Variants in EIF5A observed in about 807,000 individuals in gnomAD.
EIF5A encodes the protein eukaryotic translation initiation factor 5A.
Under a neutral mutation model 16.6 loss-of-function variants are expected in EIF5A, and 1 was observed. The ratio of observed to expected loss-of-function variants is 0.06; its 90% CI spans 0.02 to 0.28. The LOEUF (loss-of-function observed/expected upper bound fraction) is 0.28, where lower values mean the gene tolerates loss of function less well. Ranked by LOEUF, EIF5A falls within the 10% of genes least tolerant of loss-of-function variation. EIF5A has a pLI of 1.00. For missense variants in EIF5A, 29 were observed against 196.1 expected, an observed-to-expected ratio of 0.15 and a Z score of 5.09; for synonymous variants, 80 against 73.6, an observed-to-expected ratio of 1.09 and a Z score of -0.44.
chr17:7,310,161 C>T, intron 2 of EIF5A: 1 of 1,298,248 alleles, frequency 7.7e-7, no homozygotes, highest in South Asian at 1.2e-5. Context: ...GTGGTTGCTT[C>T]CATCACGTTG....
chr17:7,310,285 T>C, intron 2 of EIF5A: 1 of 1,287,840 alleles, frequency 7.8e-7, no homozygotes, highest in Non-Finnish European at 1.0e-6. Flanking sequence ...TTTGGAACTC[T>C]GACGCAGGAT....
At chr17:7,309,853 C>T (rs1442956888) in intron 2 of EIF5A, 53 bp downstream of exon 2, 7 of 1,614,042 alleles carry the variant, frequency 4.3e-6, no homozygotes, top group South Asian at 3.3e-5. Context: ...GTATCTTTGG[C>T]GCTCCCAGCA....
At chr17:7,310,244 T>C in intron 2 of EIF5A, 1 of 1,289,828 alleles carries the variant, frequency 7.8e-7, no homozygotes, top group East Asian at 5.5e-5. Context: ...CAGGTCACCT[T>C]GCTGCTTCGT....
At chr17:7,308,595 G>A in intron 1 of EIF5A, 1 of 1,350,150 alleles carries the variant, frequency 7.4e-7, no homozygotes, top group Non-Finnish European at 9.8e-7. Context: ...ACCCCTTCGA[G>A]CTGGGAGGCC....
chr17:7,311,918 A>G lies in EIF5A; in HGVS notation c.*108A>G. 7 of 553,824 alleles carry G rather than the reference A, an allele frequency of 1.3e-5. No individual in the cohort carries two copies. The highest frequency in any genetic ancestry group is 3.1e-5 in the East Asian group (1 of 31,782). 34.3% of individuals were successfully genotyped at this position (553,824 alleles called of 1,614,324 possible). A position where few individuals can be genotyped will look rare whatever the true frequency, so the allele number is the denominator to read the frequency against. On this transcript the variant is annotated 3_prime_UTR_variant, in exon 6 of 6. Transcript: ENST00000336458. ...CCCGGTCCTAAGCTGGACTCCTCCT[A>G]CACAATTTATTTGACGTTTTATTTT...
chr17:7,307,565 G>A (rs2072660105), upstream of EIF5A: 1 of 1,007,704 alleles, frequency 9.9e-7, no homozygotes, highest in Non-Finnish European at 1.2e-6. Context: ...GGAGGAGATA[G>A]ATAGCACGCT....
chr17:7,307,416 C>A, upstream of EIF5A: 1 of 1,123,776 alleles, frequency 8.9e-7, no homozygotes, highest in Non-Finnish European at 1.1e-6. Context: ...CCGGGTGCGC[C>A]TGCGCGTTGC....
chr17:7,307,225 T>A (rs758405045), upstream of EIF5A: 1 of 1,306,550 alleles, frequency 7.7e-7, no homozygotes, highest in Non-Finnish European at 1.0e-6. Flanking sequence ...CCTGGCGTAC[T>A]GACGGCGTCT....
chr17:7,309,545 A>G, intron 1 of EIF5A, 70 bp from the exon 2 acceptor site: 1 of 1,578,310 alleles, frequency 6.3e-7, no homozygotes, highest in Non-Finnish European at 8.6e-7. Context: ...GTTTCTGGAG[A>G]GAAATGGGAT....
chr17:7,311,293 G>A, intron 3 of EIF5A, 57 bp from the exon 4 acceptor site: 1 of 1,613,170 alleles, frequency 6.2e-7, no homozygotes, highest in Non-Finnish European at 8.5e-7. Flanking sequence ...AGCCTTTACT[G>A]TCATGTCAGC....
upstream of EIF5A, chr17:7,307,180 G>A (rs1295011431): frequency 1.3e-6 from 2 of 1,491,430 alleles, no homozygotes; most frequent in East Asian, 2.5e-5. Context: ...CGTTCTAGAC[G>A]AGACAAGTGA....
At position 7,307,652 on chromosome 17, in the gene EIF5A, G is replaced by A. The variant is rs2072663751; in HGVS notation, c.-122G>A. 7.6e-6 allele frequency: 8 copies of A among 1,046,528 alleles called. No individual in the cohort carries two copies. Among genetic ancestry groups the A allele is most frequent in the Non-Finnish European group, 8.0e-6 (7 of 870,224 alleles). 64.8% of individuals were successfully genotyped at this position (1,046,528 alleles called of 1,614,324 possible). ...CGTACTAAGACCCGTGTGCAGCAGC[G>A]GCGGCGGCGGTAGAGGCGGCGGCGG... On this transcript the variant is annotated 5_prime_UTR_variant, in exon 1 of 6. Transcript: ENST00000336458.
intron 2 of EIF5A, 168 bp from the exon 3 acceptor site, chr17:7,310,850 C>CT (rs367728125): frequency 3.0e-6 from 3 of 985,218 alleles, no homozygotes; most frequent in Non-Finnish European, 1.2e-6. Flanking sequence ...TGTTTTTTTT[C>CT]TTTAAGAGGC....
chr17:7,310,505 G>T (rs2072788166), intron 2 of EIF5A: 2 of 1,167,284 alleles, frequency 1.7e-6, no homozygotes, highest in Admixed American at 4.5e-5. Context: ...ATTGATCTTG[G>T]ATTATTCTCT....
chr17:7,310,228 A>G, intron 2 of EIF5A: 1 of 1,290,268 alleles, frequency 7.8e-7, no homozygotes, highest in Non-Finnish European at 1.0e-6. Flanking sequence ...GTCAATTCTG[A>G]GCTTTCAGGT....
chr17:7,310,836 CCT>C (rs776978251), intron 2 of EIF5A, 180 bp from the exon 3 acceptor site: 24 of 985,206 alleles, frequency 2.4e-5, no homozygotes, highest in Middle Eastern at 5.2e-4. Context: ...GGTTTTTTAG[CCT>C]CTGTTTTTTT....
chr17:7,311,686 AT>A (rs1300173246), intron 5 of EIF5A, 35 bp downstream of exon 5: 2 of 1,612,906 alleles, frequency 1.2e-6, no homozygotes, highest in South Asian at 1.1e-5. Flanking sequence ...TCCCCTTCAC[AT>A]TTTGTTGTCC....
At position 7,310,126 on chromosome 17, in the gene EIF5A, C is replaced by T. The variant is rs561838147; in HGVS notation, c.165+326C>T. ...TCCTTATTCTTGGTTTTCACTTTTTCTTTCTTCCCTTGAGCCGTTGTTAAG... is the reference window on the plus strand; with the variant it reads ...TCCTTATTCTTGGTTTTCACTTTTTTTTTCTTCCCTTGAGCCGTTGTTAAG... On this transcript the variant is annotated intron_variant, in intron 2 of 5. Transcript: ENST00000336458. The T allele has an allele frequency of 3.6e-4, 479 of 1,324,892 alleles. 1 individual carries two copies. The Middle Eastern group carries it at 4.5e-3, about 12-fold the overall frequency. 82.1% of individuals were successfully genotyped at this position (1,324,892 alleles called of 1,614,324 possible).
chr17:7,307,659 GC>G lies in EIF5A; in HGVS notation c.-114del. 1 of 1,050,472 alleles carries G rather than the reference GC, an allele frequency of 9.5e-7. No homozygotes were observed. Among genetic ancestry groups the G allele is most frequent in the South Asian group, 2.9e-5 (1 of 34,894 alleles). 65.1% of individuals were successfully genotyped at this position (1,050,472 alleles called of 1,614,324 possible). A position where few individuals can be genotyped will look rare whatever the true frequency, so the allele number is the denominator to read the frequency against. Reference sequence around the variant, plus strand: ...AGACCCGTGTGCAGCAGCGGCGGCGGCGGTAGAGGCGGCGGCGGCGGCGGCA... The same window carrying G: ...AGACCCGTGTGCAGCAGCGGCGGCGGGGTAGAGGCGGCGGCGGCGGCGGCA... On this transcript the variant is annotated 5_prime_UTR_variant, in exon 1 of 6. Coordinates refer to ENST00000336458, the MANE Select transcript of EIF5A (RefSeq NM_001970.5).
Sources: gnomAD v4.1 joint callset for allele counts on GRCh38, gnomAD v4.1.1 for gene constraint, MANE v1.5 for transcripts, NCBI Gene and HGNC (gene_info 2026-07-23, HGNC 2026-07-21) for gene names.